Variants in PGPEP1 observed in about 807,000 individuals in gnomAD.
PGPEP1 encodes the protein pyroglutamyl-peptidase 1.
In PGPEP1, 15 loss-of-function variants were observed where a neutral mutation model predicts 24.1. That is an observed-to-expected ratio of 0.62 (90% CI 0.42 to 0.96). The LOEUF is 0.96. PGPEP1 is among the 40% of genes least tolerant of loss of function. The pLI, the probability that PGPEP1 is intolerant of heterozygous loss-of-function variation, is 0.00. For missense variants in PGPEP1, 242 were observed against 273.4 expected (o/e 0.89, Z 0.81); for synonymous variants, 122 against 116.4 (o/e 1.05, Z -0.31).
intron 2 of PGPEP1, among the ~76,000 whole-genome samples, chr19:18,351,229 C>T (rs1295289390): frequency 1.3e-5 from 2 of 151,918 alleles, no homozygotes; most frequent in Non-Finnish European, 2.9e-5. Flanking sequence ...CGCGCCACTG[C>T]ACTCCAGCCT....
chr19:18,357,501 G>A lies in PGPEP1; in HGVS notation c.323G>A (p.Cys108Tyr). ...CGCTTTTGCCCCGGCTCCCAGTGCT[G>A]CGTGGAGGACGGGCCTGAAAGCATT... ...NCRFCPGSQC[C>Y]VEDGPESIDS... Residue 108 changes from cysteine to tyrosine, a missense_variant, in exon 4 of 5, where the codon TGC becomes TAC. Coordinates refer to ENST00000269919, the MANE Select transcript of PGPEP1 (RefSeq NM_017712.4). 1 of 1,613,668 alleles carries A rather than the reference G, an allele frequency of 6.2e-7. No homozygotes were observed. The highest frequency in any genetic ancestry group is 8.5e-7 in the Non-Finnish European group (1 of 1,179,808).
chr19:18,362,823 C>T (rs1365276798), intron 4 of PGPEP1, among the ~76,000 whole-genome samples: 1 of 151,368 alleles, frequency 6.6e-6, no homozygotes, highest in Non-Finnish European at 1.5e-5. Context: ...GGCCAGGTTG[C>T]ACTCCAAACT....
chr19:18,352,287 A>AAAAAAAAAAAAAAAAAAAAAAG (rs1568312895), intron 2 of PGPEP1, among the ~76,000 whole-genome samples: 1 of 148,854 alleles, frequency 6.7e-6, no homozygotes, highest in Non-Finnish European at 1.5e-5. Flanking sequence ...AAAAAAAAAA[A>AAAAAAAAAAAAAAAAAAAAAAG]TTAGTTGGGT....
rs1266205793 is a variant in PGPEP1, at chr19:18,368,487, C to G, written c.*4904C>G. On this transcript the variant is annotated 3_prime_UTR_variant, in exon 5 of 5. Coordinates refer to ENST00000269919, the MANE Select transcript of PGPEP1 (RefSeq NM_017712.4). The stretch of plus-strand genomic sequence containing the variant: ...CCCTGCTCTGCTTTTCTGCTCGTTG[C>G]TGGCATAGAAACATCTAGAACAGAA... 2.0e-5 allele frequency: 3 copies of G among 151,690 alleles called. No individual in the cohort carries two copies. The highest frequency in any genetic ancestry group is 4.4e-5 in the Non-Finnish European group (3 of 67,960). The allele number at this position is 151,690 out of a possible 1,614,324, so 9.4% of individuals were successfully genotyped here.
intron 4 of PGPEP1, among the ~76,000 whole-genome samples, chr19:18,360,353 G>T (rs1446151638): frequency 6.6e-6 from 1 of 151,682 alleles, no homozygotes; most frequent in Non-Finnish European, 1.5e-5. Flanking sequence ...AAAACTAATT[G>T]TTATTTAGTT....
At chr19:18,361,167 C>T (rs868814559) in intron 4 of PGPEP1, among the ~76,000 whole-genome samples, 2 of 150,096 alleles carry the variant, frequency 1.3e-5, no homozygotes, top group African/African-American at 2.5e-5. Context: ...ACAAGAGTTT[C>T]GCTCTTGTTG....
At chr19:18,347,938 C>T (rs369853865) in intron 2 of PGPEP1, among the ~76,000 whole-genome samples, 4 of 152,242 alleles carry the variant, frequency 2.6e-5, no homozygotes, top group South Asian at 2.1e-4. Flanking sequence ...GGCCTGTCTC[C>T]GTCTCTTCTG....
Position 18,367,957 on chromosome 19 carries a change from C to T in PGPEP1, c.*4374C>T, listed in dbSNP as rs182382175. The T allele has an allele frequency of 9.9e-5, 15 of 151,376 alleles. No homozygotes were observed. The highest frequency in any genetic ancestry group is 3.4e-4 in the African/African-American group (14 of 41,190). 9.4% of individuals were successfully genotyped at this position (151,376 alleles called of 1,614,324 possible). ...AGCCCTGGGCAACATGGCGAGACCC[C>T]ATCTCTACAGAAATTAAAAAAAAAA... On this transcript the variant is annotated 3_prime_UTR_variant, in exon 5 of 5. Coordinates refer to ENST00000269919, the MANE Select transcript of PGPEP1 (RefSeq NM_017712.4).
chr19:18,355,605 CAGAG>C (rs1297670130), intron 2 of PGPEP1, among the ~76,000 whole-genome samples: 5 of 152,090 alleles, frequency 3.3e-5, no homozygotes, highest in Admixed American at 1.3e-4. Flanking sequence ...AACTGAGACT[CAGAG>C]AGATTAAGTG....
Position 18,366,130 on chromosome 19 carries a change from A to C in PGPEP1, c.*2547A>C, listed in dbSNP as rs950518603. The C allele has an allele frequency of 5.9e-5, 9 of 152,162 alleles. No individual in the cohort carries two copies. Among genetic ancestry groups the C allele is most frequent in the African/African-American group, 2.2e-4 (9 of 41,438 alleles). 9.4% of individuals were successfully genotyped at this position (152,162 alleles called of 1,614,324 possible). ...GCAACTTCAGGTTTCATCTTGCTCTATTCCTCAAAGGTCTGGTCTGTGGGC... is the reference window on the plus strand; with the variant it reads ...GCAACTTCAGGTTTCATCTTGCTCTCTTCCTCAAAGGTCTGGTCTGTGGGC... On this transcript the variant is annotated 3_prime_UTR_variant, in exon 5 of 5. Transcript: ENST00000269919.
chr19:18,340,741 C>T, intron 1 of PGPEP1, 26 bp downstream of exon 1: 1 of 1,445,216 alleles, frequency 6.9e-7, no homozygotes, highest in African/African-American at 1.5e-5. Flanking sequence ...GGGGCTGTAG[C>T]GGCAGCGGCC....
chr19:18,341,088 C>T (rs1970659247), intron 1 of PGPEP1, among the ~76,000 whole-genome samples: 1 of 152,200 alleles, frequency 6.6e-6, no homozygotes, highest in South Asian at 2.1e-4. Flanking sequence ...GAGGTCCAGC[C>T]TGTCCCCACA....
At chr19:18,353,161 C>T (rs1474776756) in intron 2 of PGPEP1, among the ~76,000 whole-genome samples, 5 of 152,060 alleles carry the variant, frequency 3.3e-5, no homozygotes, top group Non-Finnish European at 5.9e-5. Context: ...TCAGGTGATC[C>T]ACCCACCTCA....
In PGPEP1 at chr19:18,361,828, T is replaced by C. The variant is rs899369269; in HGVS notation, c.438-1563T>C. On this transcript the variant is annotated intron_variant, in intron 4 of 4. Transcript: ENST00000269919. The stretch of plus-strand genomic sequence containing the variant: ...TTGCTTTTACGTGGATGGAGTCACA[T>C]GGCGAAAGTCACACTTACTGAGAAT... The C allele has an allele frequency of 2.9e-5, 29 of 985,388 alleles. No individual in the cohort carries two copies. The East Asian group carries it at 2.0e-3, about 69-fold the overall frequency. 61.0% of individuals were successfully genotyped at this position (985,388 alleles called of 1,614,324 possible).
chr19:18,343,188 C>T (rs1012857462), intron 2 of PGPEP1, among the ~76,000 whole-genome samples: 4 of 151,858 alleles, frequency 2.6e-5, no homozygotes, highest in African/African-American at 4.8e-5. Context: ...TTAGTAGAGT[C>T]GGGGTTTCAC....
chr19:18,340,974 C>T (rs1475476627), intron 1 of PGPEP1, among the ~76,000 whole-genome samples: 2 of 152,014 alleles, frequency 1.3e-5, no homozygotes, highest in African/African-American at 2.4e-5. Context: ...GCGCAGGCCC[C>T]CCTGGCGTCC....
At chr19:18,345,758 G>A (rs1378696802) in intron 2 of PGPEP1, among the ~76,000 whole-genome samples, 8 of 149,272 alleles carry the variant, frequency 5.4e-5, no homozygotes, top group Non-Finnish European at 1.5e-5. Context: ...AAAGAAATTT[G>A]GCCAGGCACA....
chr19:18,350,394 T>G (rs184980716), intron 2 of PGPEP1, among the ~76,000 whole-genome samples: 2 of 152,324 alleles, frequency 1.3e-5, no homozygotes. Context: ...GACGCATTTA[T>G]AAACGGTAAA....
chr19:18,346,149 G>A (rs980545168), intron 2 of PGPEP1, among the ~76,000 whole-genome samples: 1 of 151,984 alleles, frequency 6.6e-6, no homozygotes, highest in African/African-American at 2.4e-5. Flanking sequence ...ACTTTTTTGC[G>A]CCAGTAGGTG....
Sources: gnomAD v4.1 joint callset for allele counts (sites outside exome capture counted in the v4.1 genomes callset) on GRCh38, gnomAD v4.1.1 for gene constraint, MANE v1.5 for transcripts, NCBI Gene and HGNC (gene_info 2026-07-23, HGNC 2026-07-21) for gene names.